Variants in SYT14 observed in about 807,000 individuals in gnomAD.
SYT14 encodes the protein synaptotagmin 14.
A neutral mutation model predicts 74.2 loss-of-function variants in SYT14; 32 were observed. That is an observed-to-expected ratio of 0.43 (90% CI 0.33 to 0.58). SYT14 has a LOEUF of 0.58. Among genes scored for constraint, SYT14 ranks in the 20% least tolerant of loss-of-function variants. SYT14 has a pLI of 0.05. For missense variants in SYT14, 791 were observed against 981.8 expected (o/e 0.81, Z 2.60); for synonymous variants, 298 against 337.7 (o/e 0.88, Z 1.29).
chr1:210,042,478 T>C (rs1160617275), intron 5 of SYT14, among the ~76,000 whole-genome samples: 1 of 152,104 alleles, frequency 6.6e-6, no homozygotes, highest in African/African-American at 2.4e-5. Flanking sequence ...TCTTCTAGAG[T>C]TTTTATGGTT....
At chr1:210,040,002 A>G (rs954870851) in intron 5 of SYT14, among the ~76,000 whole-genome samples, 12 of 152,162 alleles carry the variant, frequency 7.9e-5, no homozygotes. Context: ...AACCAGAAAT[A>G]CCGTTAGACT....
chr1:210,132,501 G>T (rs1162722961), intron 7 of SYT14, among the ~76,000 whole-genome samples: 1 of 150,818 alleles, frequency 6.6e-6, no homozygotes, highest in Non-Finnish European at 1.5e-5. Flanking sequence ...CCCTTAATTG[G>T]TTTTGTAAGT....
At chr1:210,101,273 T>C (rs1421706798) in intron 7 of SYT14, among the ~76,000 whole-genome samples, 2 of 152,182 alleles carry the variant, frequency 1.3e-5, no homozygotes. Context: ...TATTCATCTC[T>C]GTTATATTGA....
intron 7 of SYT14, among the ~76,000 whole-genome samples, chr1:210,112,184 T>A (rs6657984): frequency 0.44 from 66,816 of 150,834 alleles, 17,295 homozygotes; most frequent in Non-Finnish European, 0.57. Flanking sequence ...CCAGACCAAG[T>A]GGTATTTTAG....
chr1:210,058,680 A>G (rs2081144929), intron 5 of SYT14, among the ~76,000 whole-genome samples: 1 of 152,214 alleles, frequency 6.6e-6, no homozygotes, highest in Non-Finnish European at 1.5e-5. Flanking sequence ...AAAAGCTACC[A>G]CAGCCAACCA....
chr1:210,082,659 C>A (rs1348194572), intron 5 of SYT14, among the ~76,000 whole-genome samples: 2 of 152,178 alleles, frequency 1.3e-5, no homozygotes, highest in African/African-American at 4.8e-5. Context: ...AGCTGGACAT[C>A]CTCAACTTTA....
intron 7 of SYT14, among the ~76,000 whole-genome samples, chr1:210,121,464 G>A (rs1031306351): frequency 3.9e-5 from 6 of 152,164 alleles, no homozygotes; most frequent in Admixed American, 2.6e-4. Flanking sequence ...TATAATTCAA[G>A]CCTCAAATGT....
intron 7 of SYT14, among the ~76,000 whole-genome samples, chr1:210,130,474 T>C (rs1055525685): frequency 6.6e-6 from 1 of 152,212 alleles, no homozygotes; most frequent in African/African-American, 2.4e-5. Context: ...ATTGAAGATA[T>C]TAGAACTAAA....
chr1:210,103,968 C>T lies in SYT14; in HGVS notation c.2034+3507C>T, dbSNP rs115089445. Among the ~76,000 whole-genome samples the T allele has an allele frequency of 1.7e-3, 264 of 152,314 alleles. 1 individual carries two copies. Among genetic ancestry groups the T allele is most frequent in the Non-Finnish European group, 3.1e-3 (209 of 68,038 alleles). On this transcript the variant is annotated intron_variant, in intron 7 of 9. Transcript: ENST00000637265. Reference sequence around the variant, plus strand: ...TCCCTAAGGTAAGCCATAAAATTGACTTTCCCCGTCTCACTGGTAGATATG... The same window carrying T: ...TCCCTAAGGTAAGCCATAAAATTGATTTTCCCCGTCTCACTGGTAGATATG...
intron 5 of SYT14, among the ~76,000 whole-genome samples, chr1:210,031,089 CTTTTTT>C (rs35900057): frequency 9.6e-6 from 1 of 104,336 alleles, no homozygotes; most frequent in Non-Finnish European, 1.9e-5. Context: ...CCATGCCTGT[CTTTTTT>C]TTTTTTTTTT....
chr1:210,153,715 A>G (rs2083214127), intron 7 of SYT14, among the ~76,000 whole-genome samples: 1 of 152,162 alleles, frequency 6.6e-6, no homozygotes, highest in Admixed American at 6.6e-5. Context: ...CCCCTTCCAA[A>G]TCATTATACT....
chr1:209,940,896 C>T (rs1021570518), intron 1 of SYT14, among the ~76,000 whole-genome samples: 4 of 152,202 alleles, frequency 2.6e-5, no homozygotes, highest in African/African-American at 9.7e-5. Context: ...ACCACTCCTT[C>T]ACTTATGTGT....
At chr1:210,110,417 CACA>C (rs1287361415) in intron 7 of SYT14, among the ~76,000 whole-genome samples, 1 of 152,126 alleles carries the variant, frequency 6.6e-6, no homozygotes, top group African/African-American at 2.4e-5. Context: ...TATTCTTTTC[CACA>C]ACTTTTAGAG....
At chr1:210,054,558 A>T (rs1362732659) in intron 5 of SYT14, among the ~76,000 whole-genome samples, 1 of 151,842 alleles carries the variant, frequency 6.6e-6, no homozygotes, top group African/African-American at 2.4e-5. Flanking sequence ...ATATGTAGAG[A>T]TTGTCATATG....
chr1:210,056,659 CAAA>C (rs1196789715), intron 5 of SYT14, among the ~76,000 whole-genome samples: 1 of 79,392 alleles, frequency 1.3e-5, no homozygotes, highest in Non-Finnish European at 2.3e-5. Flanking sequence ...ACTAAAAATA[CAAA>C]AAAAAAAAAA....
intron 2 of SYT14, among the ~76,000 whole-genome samples, chr1:210,009,096 T>C (rs2080040476): frequency 1.3e-5 from 2 of 152,338 alleles, no homozygotes; most frequent in South Asian, 4.1e-4. Flanking sequence ...TTCAAAGCCA[T>C]CCTGAGCTGC....
intron 2 of SYT14, among the ~76,000 whole-genome samples, chr1:209,979,096 C>A (rs986048201): frequency 6.6e-6 from 1 of 152,170 alleles, no homozygotes; most frequent in Non-Finnish European, 1.5e-5. Flanking sequence ...TTCCGGGTGC[C>A]GTCTGTCACC....
chr1:210,042,368 G>A (rs778758730), intron 5 of SYT14, among the ~76,000 whole-genome samples: 2 of 152,090 alleles, frequency 1.3e-5, no homozygotes, highest in Non-Finnish European at 2.9e-5. Context: ...TCTTTAATTA[G>A]CTCCCATTTG....
At chr1:209,972,012 T>C (rs924403258) in intron 2 of SYT14, among the ~76,000 whole-genome samples, 2 of 152,168 alleles carry the variant, frequency 1.3e-5, no homozygotes, top group African/African-American at 4.8e-5. Context: ...ATCCATCTGG[T>C]GCAGGGCTTT....
Sources: gnomAD v4.1 joint callset for allele counts (sites outside exome capture counted in the v4.1 genomes callset) on GRCh38, gnomAD v4.1.1 for gene constraint, MANE v1.5 for transcripts, NCBI Gene and HGNC (gene_info 2026-07-23, HGNC 2026-07-21) for gene names.